RASSF6: variants seen among roughly 807,000 people sequenced by gnomAD.
RASSF6 encodes ras association domain-containing protein 6.
A neutral mutation model predicts 44.0 loss-of-function variants in RASSF6; 52 were observed. The ratio of observed to expected loss-of-function variants is 1.18; its 90% confidence interval spans 0.95 to 1.49. The LOEUF (loss-of-function observed/expected upper bound fraction) is 1.49. RASSF6 is among the 40% of genes most tolerant of loss of function. The pLI, the probability that RASSF6 is intolerant of heterozygous loss-of-function variation, is 0.00. For synonymous variants in RASSF6, 162 were observed against 124.6 expected (o/e 1.30, Z -2.00); for missense variants, 464 against 393.3 (o/e 1.18, Z -1.52).
In RASSF6 at chr4:73,575,056, C is replaced by T. The variant is rs1284313878; in HGVS notation, c.*1179G>A. On this transcript the variant is annotated 3_prime_UTR_variant, in exon 11 of 11. Coordinates refer to ENST00000307439, the MANE Select transcript of RASSF6 (RefSeq NM_177532.5). The stretch of plus-strand genomic sequence containing the variant: ...TTCAACCAGTTTAGGTTTGGTAATA[C>T]TGAGAAGTAATGCCTTTGTCTTAAA... 6.6e-6 allele frequency: 1 copy of T among 152,114 alleles called. No homozygotes were observed. Among genetic ancestry groups the T allele is most frequent in the Non-Finnish European group, 1.5e-5 (1 of 68,032 alleles). 9.4% of individuals were successfully genotyped at this position (152,114 alleles called of 1,614,324 possible).
chr4:73,576,116 T>C lies in RASSF6; in HGVS notation c.*119A>G, dbSNP rs1348800048. 1 of 566,170 alleles carries C rather than the reference T, an allele frequency of 1.8e-6. No homozygotes were observed. Among genetic ancestry groups the C allele is most frequent in the Non-Finnish European group, 3.0e-6 (1 of 331,350 alleles). The allele number at this position is 566,170 out of a possible 1,614,324, so 35.1% of individuals were successfully genotyped here. A position where few individuals can be genotyped will look rare whatever the true frequency, so the allele number is the denominator to read the frequency against. On this transcript the variant is annotated 3_prime_UTR_variant, in exon 11 of 11. Transcript: ENST00000307439. ...GAAATGAGCTTTTTTTGACATTCAA[T>C]TTTCTACGATTCAAGTCTCATATAT... is the stretch of plus-strand genomic sequence containing the variant.
intron 2 of RASSF6, among the ~76,000 whole-genome samples, chr4:73,607,171 A>G (rs1393099511): frequency 6.6e-6 from 1 of 152,218 alleles, no homozygotes. Context: ...AATGTATCTA[A>G]TCATATCATC....
rs536886342 is a variant in RASSF6 at position 73,585,841 on chromosome 4, A to G, written c.383-477T>C. Reference sequence around the variant, plus strand: ...ATTTTTTTATTTTTATTTTTATTTTATTATTATTATACTTTAAGTTTTAGG... The same window carrying G: ...ATTTTTTTATTTTTATTTTTATTTTGTTATTATTATACTTTAAGTTTTAGG... On this transcript the variant is annotated intron_variant, in intron 5 of 10. Coordinates refer to ENST00000307439, the MANE Select transcript of RASSF6 (RefSeq NM_177532.5). Among the ~76,000 whole-genome samples the G allele has an allele frequency of 1.1e-3, 172 of 151,226 alleles. 1 individual carries two copies. Among genetic ancestry groups the G allele is most frequent in the African/African-American group, 3.9e-3 (161 of 41,316 alleles).
chr4:73,604,922 T>C (rs1298991851), intron 2 of RASSF6, among the ~76,000 whole-genome samples: 1 of 148,954 alleles, frequency 6.7e-6, no homozygotes, highest in Non-Finnish European at 1.5e-5. Flanking sequence ...GGAGTTTCGC[T>C]CTTATTGCCC....
chr4:73,609,648 C>T (rs1253345377), intron 2 of RASSF6, among the ~76,000 whole-genome samples: 3 of 152,036 alleles, frequency 2.0e-5, no homozygotes, highest in Admixed American at 6.5e-5. Context: ...ATAAAAATAC[C>T]TCAATAAATT....
At position 73,598,685 on chromosome 4, in the gene RASSF6, GT is replaced by G; in HGVS notation, c.98del (p.Asn33ThrfsTer22). On this transcript the variant is annotated frameshift_variant, in exon 3 of 11. Transcript: ENST00000307439. LOFTEE classifies it high-confidence loss of function. ...GATTTTTCTGGTTCTCATAAAAAATGTTATAGGTCTTCAATAAAGAATTAAG... is the reference window on the plus strand; with the variant it reads ...GATTTTTCTGGTTCTCATAAAAAATGTATAGGTCTTCAATAAAGAATTAAG... ...EQLNSLLKTY[N>X]IFYENQKNLH... The G allele has an allele frequency of 6.6e-7, 1 of 1,512,310 alleles. No homozygotes were observed. The highest frequency in any genetic ancestry group is 9.0e-7 in the Non-Finnish European group (1 of 1,108,282). 93.7% of individuals were successfully genotyped at this position (1,512,310 alleles called of 1,614,324 possible).
At chr4:73,577,670 G>A (rs1245632115) in intron 8 of RASSF6, among the ~76,000 whole-genome samples, 1 of 152,158 alleles carries the variant, frequency 6.6e-6, no homozygotes, top group African/African-American at 2.4e-5. Context: ...CATTTCTGAA[G>A]CAGTTGGGAG....
chr4:73,605,105 G>T (rs1337567627), intron 2 of RASSF6, among the ~76,000 whole-genome samples: 1 of 152,110 alleles, frequency 6.6e-6, no homozygotes, highest in East Asian at 1.9e-4. Flanking sequence ...GGCCAGGCTG[G>T]TCTCAAACTC....
chr4:73,600,895 C>T (rs1437289521), intron 2 of RASSF6, among the ~76,000 whole-genome samples: 1 of 152,070 alleles, frequency 6.6e-6, no homozygotes, highest in East Asian at 1.9e-4. Context: ...TACTACTGGC[C>T]AAGAACATGA....
chr4:73,597,944 C>A (rs574360813), intron 3 of RASSF6, among the ~76,000 whole-genome samples: 161 of 152,152 alleles, frequency 1.1e-3, no homozygotes, highest in Middle Eastern at 3.4e-3. Context: ...AGAGGGGAAC[C>A]ACAGACACTG....
Position 73,576,206 on chromosome 4 carries a change from A to T in RASSF6, c.*29T>A. On this transcript the variant is annotated 3_prime_UTR_variant, in exon 11 of 11. Transcript: ENST00000307439. ...AAGAGTAATATCTCTGAGTTTTTTG[A>T]AATGTTTTAGCAATAGAAGCTTGTA... 2 of 1,306,090 alleles carry T rather than the reference A, an allele frequency of 1.5e-6. No individual in the cohort carries two copies. The highest frequency in any genetic ancestry group is 2.2e-6 in the Non-Finnish European group (2 of 926,194). The allele number at this position is 1,306,090 out of a possible 1,614,324, so 80.9% of individuals were successfully genotyped here.
chr4:73,593,348 T>C (rs1724708900), intron 4 of RASSF6, 103 bp downstream of exon 4: 1 of 1,105,004 alleles, frequency 9.0e-7, no homozygotes, highest in Non-Finnish European at 1.3e-6. Flanking sequence ...TTGTGTGTAA[T>C]CAGTTTTACA....
chr4:73,590,163 A>G (rs916208320), intron 4 of RASSF6, among the ~76,000 whole-genome samples: 2 of 152,256 alleles, frequency 1.3e-5, no homozygotes, highest in Non-Finnish European at 2.9e-5. Flanking sequence ...TGTTTCCATA[A>G]AGAATAACAA....
intron 4 of RASSF6, among the ~76,000 whole-genome samples, chr4:73,592,096 G>T (rs1578037809): frequency 6.6e-6 from 1 of 152,214 alleles, no homozygotes; most frequent in South Asian, 2.1e-4. Flanking sequence ...AATGGATGTG[G>T]AGAAGCAGGG....
intron 4 of RASSF6, 23 bp from the exon 5 acceptor site, chr4:73,587,957 A>G: frequency 6.9e-7 from 1 of 1,458,162 alleles, no homozygotes; most frequent in Non-Finnish European, 9.6e-7. Flanking sequence ...AAATCTTGTA[A>G]GTACATCAGT....
chr4:73,588,823 G>A (rs868463084), intron 4 of RASSF6, among the ~76,000 whole-genome samples: 1 of 58,878 alleles, frequency 1.7e-5, no homozygotes, highest in Non-Finnish European at 4.3e-5. Flanking sequence ...ATCATCACCA[G>A]CATCTGTATC....
intron 3 of RASSF6, among the ~76,000 whole-genome samples, chr4:73,595,357 G>A (rs1724861301): frequency 6.6e-6 from 1 of 151,896 alleles, no homozygotes; most frequent in Admixed American, 6.6e-5. Flanking sequence ...CCATGCCTGG[G>A]TAATTTTTGT....
At chr4:73,599,245 A>G (rs1224300320) in intron 2 of RASSF6, among the ~76,000 whole-genome samples, 1 of 152,232 alleles carries the variant, frequency 6.6e-6, no homozygotes, top group Non-Finnish European at 1.5e-5. Flanking sequence ...TGTTTAGACT[A>G]TTAAAGGCAA....
intron 8 of RASSF6, 25 bp from the exon 9 acceptor site, chr4:73,576,756 A>G (rs1464082398): frequency 5.9e-6 from 8 of 1,349,538 alleles, no homozygotes; most frequent in Non-Finnish European, 7.3e-6. Flanking sequence ...AGAATCAACC[A>G]CAATCAGAAG....
Sources: gnomAD v4.1 joint callset for allele counts (sites outside exome capture counted in the v4.1 genomes callset) on GRCh38, gnomAD v4.1.1 for gene constraint, MANE v1.5 for transcripts, NCBI Gene and HGNC (gene_info 2026-07-23, HGNC 2026-07-21) for gene names.